GALK2: variants seen among roughly 807,000 people sequenced by gnomAD.
GALK2 encodes N-acetylgalactosamine kinase.
A neutral mutation model predicts 52.4 loss-of-function variants in GALK2; 36 were observed. The observed-to-expected ratio is 0.69, with a 90% CI of 0.53 to 0.91. The LOEUF is 0.91. Ranked by LOEUF, GALK2 falls within the 40% of genes least tolerant of loss-of-function variation. The pLI is 0.00. For missense variants in GALK2, 579 were observed against 559.1 expected, an observed-to-expected ratio of 1.04 and a Z score of -0.36; for synonymous variants, 176 against 199.1, an observed-to-expected ratio of 0.88 and a Z score of 0.98.
chr15:49,359,747 C>A (rs1315981149), intron 3 of GALK2, among the ~76,000 whole-genome samples: 3 of 135,972 alleles, frequency 2.2e-5, no homozygotes, highest in Non-Finnish European at 4.8e-5. Flanking sequence ...GGGTATATAC[C>A]CAAAGGACTA....
chr15:49,335,580 A>T (rs1353132133), downstream of GALK2: 4 of 894,644 alleles, frequency 4.5e-6, no homozygotes, highest in Non-Finnish European at 7.2e-6. Context: ...AACCAAGGGG[A>T]CCGTGTGACC....
In GALK2 at chr15:49,282,035, G is replaced by A. The variant is rs752280215; in HGVS notation, c.553G>A (p.Glu185Lys). Residue 185 changes from glutamate to lysine, a missense_variant, in exon 6 of 10, where the codon GAA becomes AAA. Glu to Lys is a moderately conservative substitution (Grantham distance 56, BLOSUM62 1). Transcript: ENST00000560031. ...CAKSERYIGT[E>K]GGGMDQSISF... ...CAAGAGTGAGCGTTACATTGGCACTGAAGGAGGAGGCATGGACCAGTCTAT... is the reference window on the plus strand; with the variant it reads ...CAAGAGTGAGCGTTACATTGGCACTAAAGGAGGAGGCATGGACCAGTCTAT... 6.2e-7 allele frequency: 1 copy of A among 1,613,946 alleles called. No homozygotes were observed. The highest frequency in any genetic ancestry group is 2.2e-5 in the East Asian group (1 of 44,874).
intron 5 of GALK2, among the ~76,000 whole-genome samples, chr15:49,265,295 C>T (rs1237358940): frequency 2.0e-5 from 3 of 152,250 alleles, no homozygotes; most frequent in African/African-American, 7.2e-5. Flanking sequence ...CTCCCCCAGC[C>T]TGGCTGCCGC....
intron 1 of GALK2, among the ~76,000 whole-genome samples, chr15:49,182,873 A>G (rs1391163044): frequency 6.6e-6 from 1 of 151,732 alleles, no homozygotes; most frequent in African/African-American, 2.4e-5. Context: ...AGCTCATTAC[A>G]TTTTCTGGTT....
At chr15:49,294,389 C>G (rs1567031578) in intron 8 of GALK2, among the ~76,000 whole-genome samples, 1 of 152,022 alleles carries the variant, frequency 6.6e-6, no homozygotes, top group South Asian at 2.1e-4. Context: ...AAATAATGTA[C>G]ATAGTAGAGA....
At chr15:49,273,165 A>G (rs1208265331) in intron 5 of GALK2, among the ~76,000 whole-genome samples, 1 of 152,208 alleles carries the variant, frequency 6.6e-6, no homozygotes, top group Non-Finnish European at 1.5e-5. Flanking sequence ...CTAAGAACTA[A>G]AAACAAGCTA....
intron 1 of GALK2, among the ~76,000 whole-genome samples, chr15:49,175,851 T>C (rs968158359): frequency 6.6e-6 from 1 of 152,172 alleles, no homozygotes; most frequent in East Asian, 1.9e-4. Flanking sequence ...CCTGTTCTGT[T>C]CCCTTCTAAT....
chr15:49,270,760 C>T (rs1392201399), intron 5 of GALK2, among the ~76,000 whole-genome samples: 2 of 152,160 alleles, frequency 1.3e-5, no homozygotes, highest in East Asian at 1.9e-4. Context: ...CTTTCTTTCT[C>T]TTTCGTTTGC....
intron 5 of GALK2, among the ~76,000 whole-genome samples, chr15:49,278,948 G>A (rs1418994831): frequency 6.6e-6 from 1 of 152,224 alleles, no homozygotes; most frequent in African/African-American, 2.4e-5. Context: ...TCTTCACAGG[G>A]CGGCAGGGCG....
rs765464723 is a variant in GALK2, at chr15:49,282,016, T to C, written c.534T>C (p.Ser178=). ...AACTTGCAGAAATCTGTGCCAAGAG[T>C]GAGCGTTACATTGGCACTGAAGGAG... ...KVELAEICAK[S]ERYIGTEGGG... is the part of the protein sequence containing the mutation. The change falls in exon 6 of 10, where the codon AGT becomes AGC. Residue 178 remains serine (S), a synonymous_variant. Transcript: ENST00000560031. The C allele has an allele frequency of 3.1e-6, 5 of 1,613,520 alleles. No homozygotes were observed. In the South Asian group the frequency reaches 5.5e-5, roughly 18 times the overall value.
chr15:49,359,746 C>A (rs1362120345), intron 3 of GALK2, among the ~76,000 whole-genome samples: 2 of 136,720 alleles, frequency 1.5e-5, no homozygotes, highest in Non-Finnish European at 3.2e-5. Context: ...TGGGTATATA[C>A]CCAAAGGACT....
In GALK2 at chr15:49,329,492, T is replaced by C; in HGVS notation, c.*1333T>C. The C allele has an allele frequency of 1.0e-6, 1 of 985,348 alleles. No individual in the cohort carries two copies. Among genetic ancestry groups the C allele is most frequent in the Non-Finnish European group, 1.2e-6 (1 of 829,844 alleles). The allele number at this position is 985,348 out of a possible 1,614,324, so 61.0% of individuals were successfully genotyped here. A position where few individuals can be genotyped will look rare whatever the true frequency, so the allele number is the denominator to read the frequency against. On this transcript the variant is annotated 3_prime_UTR_variant, in exon 10 of 10. Coordinates refer to ENST00000560031, the MANE Select transcript of GALK2 (RefSeq NM_002044.4). ...AACTCACAGATTGGGCATCACCATCTAGAATTTCAGTTTAAGGGAGGCCTG... is the reference window on the plus strand; with the variant it reads ...AACTCACAGATTGGGCATCACCATCCAGAATTTCAGTTTAAGGGAGGCCTG...
At chr15:49,304,729 C>T (rs1286419506) in intron 8 of GALK2, among the ~76,000 whole-genome samples, 1 of 152,180 alleles carries the variant, frequency 6.6e-6, no homozygotes, top group Non-Finnish European at 1.5e-5. Context: ...CTTGGTGATA[C>T]CAATGAGAAC....
chr15:49,297,253 C>T (rs1392021206), intron 8 of GALK2, among the ~76,000 whole-genome samples: 1 of 152,188 alleles, frequency 6.6e-6, no homozygotes, highest in East Asian at 1.9e-4. Context: ...TGTCCATGTC[C>T]TTTGCCCATT....
At chr15:49,299,735 TTTTCTTTCTTTCTTTCTTTC>T (rs869275324) in intron 8 of GALK2, among the ~76,000 whole-genome samples, 6 of 77,530 alleles carry the variant, frequency 7.7e-5, no homozygotes, top group South Asian at 9.1e-4. Context: ...TCTTTCTTTC[TTTTCTTTCTTTCTTTCTTTC>T]TTTCTTTCTT....
At chr15:49,353,683 T>C (rs2042597721) in intron 3 of GALK2, 2 of 151,792 alleles carry the variant, frequency 1.3e-5, no homozygotes, top group Non-Finnish European at 2.9e-5. Flanking sequence ...GCTTTCCTAT[T>C]CACTTCGCCC....
intron 3 of GALK2, among the ~76,000 whole-genome samples, chr15:49,227,981 T>G (rs1440401830): frequency 6.6e-6 from 1 of 152,170 alleles, no homozygotes; most frequent in East Asian, 1.9e-4. Flanking sequence ...TGAAGGATGA[T>G]TTTGTTGAGT....
chr15:49,173,202 G>T (rs1159045266), intron 1 of GALK2, among the ~76,000 whole-genome samples: 3 of 152,124 alleles, frequency 2.0e-5, no homozygotes, highest in African/African-American at 7.2e-5. Context: ...GTGGCATAAT[G>T]TTCTGAAGGT....
chr15:49,207,128 G>T (rs1019141496), intron 2 of GALK2, among the ~76,000 whole-genome samples: 4 of 152,092 alleles, frequency 2.6e-5, no homozygotes, highest in Admixed American at 2.0e-4. Context: ...TGTTTATGTG[G>T]TGTATCACAT....
Sources: gnomAD v4.1 joint callset for allele counts (sites outside exome capture counted in the v4.1 genomes callset) on GRCh38, gnomAD v4.1.1 for gene constraint, MANE v1.5 for transcripts, NCBI Gene and HGNC (gene_info 2026-07-23, HGNC 2026-07-21) for gene names.